Variants in TBCA observed in about 807,000 individuals in gnomAD.
The protein encoded by TBCA is tubulin-specific chaperone A.
TBCA carries 6 observed loss-of-function variants against 15.8 expected under a neutral mutation model. That is an observed-to-expected ratio of 0.38 (90% confidence interval 0.21 to 0.75). The LOEUF is 0.75. Ranked by LOEUF, TBCA falls within the 30% of genes least tolerant of loss-of-function variation. TBCA has a pLI of 0.46. For synonymous variants in TBCA, 32 were observed against 42.3 expected, an observed-to-expected ratio of 0.76 and a Z score of 0.94; for missense variants, 90 against 131.2, an observed-to-expected ratio of 0.69 and a Z score of 1.53.
chr5:77,732,529 C>A (rs6882852), intron 1 of TBCA, among the ~76,000 whole-genome samples: 5 of 122,444 alleles, frequency 4.1e-5, no homozygotes, highest in African/African-American at 1.3e-4. Flanking sequence ...CCAGTCTGGG[C>A]GACAGAGTGA....
chr5:77,763,132 T>C (rs1747683773), intron 1 of TBCA, among the ~76,000 whole-genome samples: 1 of 152,028 alleles, frequency 6.6e-6, no homozygotes, highest in Non-Finnish European at 1.5e-5. Flanking sequence ...TAGTCCCAGC[T>C]ACGCGGGAGG....
chr5:77,760,172 T>A (rs987370793), intron 1 of TBCA, among the ~76,000 whole-genome samples: 4 of 152,116 alleles, frequency 2.6e-5, no homozygotes, highest in Non-Finnish European at 2.9e-5. Flanking sequence ...AGAGGATCAG[T>A]CCTCAATAGG....
rs1209118836 is a variant in TBCA, at chr5:77,745,662, A to G, written c.53+30543T>C. On this transcript the variant is annotated intron_variant, in intron 1 of 3. Transcript: ENST00000380377. ...AATTTTGGCAAAAACTGAATAACAA[A>G]GTTCTGGTGAACAGTGGTCAATATT... Among the ~76,000 whole-genome samples, 5 of 152,240 alleles carry G rather than the reference A, an allele frequency of 3.3e-5. No individual in the cohort carries two copies. In the East Asian group the frequency reaches 7.7e-4, roughly 23 times the overall value.
At chr5:77,767,218 G>T (rs1235408005) in intron 1 of TBCA, among the ~76,000 whole-genome samples, 4 of 152,090 alleles carry the variant, frequency 2.6e-5, no homozygotes, top group Admixed American at 6.6e-5. Flanking sequence ...AGAAGCTGAG[G>T]AACATTTAAT....
At chr5:77,714,852 C>T (rs1257411171) in intron 1 of TBCA, among the ~76,000 whole-genome samples, 1 of 152,178 alleles carries the variant, frequency 6.6e-6, no homozygotes, top group African/African-American at 2.4e-5. Context: ...AGACGTGAGC[C>T]ACTGCACCCG....
intron 1 of TBCA, among the ~76,000 whole-genome samples, chr5:77,772,100 A>T (rs1007961778): frequency 3.3e-5 from 5 of 152,098 alleles, no homozygotes; most frequent in Admixed American, 2.0e-4. Context: ...AAAAAAAGAA[A>T]AGAATAGAAT....
chr5:77,718,997 T>G (rs142107787), intron 1 of TBCA, among the ~76,000 whole-genome samples: 3 of 152,332 alleles, frequency 2.0e-5, no homozygotes, highest in African/African-American at 4.8e-5. Flanking sequence ...TCACAATAGG[T>G]TGAAATTTTG....
chr5:77,709,162 C>T (rs998411451), intron 1 of TBCA, among the ~76,000 whole-genome samples: 2 of 151,904 alleles, frequency 1.3e-5, no homozygotes, highest in Admixed American at 6.6e-5. Flanking sequence ...ATTTATTGTG[C>T]GTTTAATTTT....
At chr5:77,757,012 T>A (rs1280349321) in intron 1 of TBCA, among the ~76,000 whole-genome samples, 3 of 152,206 alleles carry the variant, frequency 2.0e-5, no homozygotes, top group Admixed American at 2.0e-4. Flanking sequence ...AATTTTTTTT[T>A]AAGACAGGAA....
chr5:77,776,283 G>A lies in TBCA; in HGVS notation c.-26C>T, dbSNP rs746678720. ...GGTCCCTCGAGCGCCGCGAGAAGGA[G>A]GGGCGGAGAGCCGGGGTAACCGTGG... On this transcript the variant is annotated 5_prime_UTR_variant, in exon 1 of 4. Transcript: ENST00000380377. 4.5e-6 allele frequency: 7 copies of A among 1,568,856 alleles called. No homozygotes were observed. In the South Asian group the frequency reaches 4.7e-5, roughly 11 times the overall value.
At chr5:77,755,730 T>G (rs1392606153) in intron 1 of TBCA, among the ~76,000 whole-genome samples, 1 of 150,678 alleles carries the variant, frequency 6.6e-6, no homozygotes, top group Non-Finnish European at 1.5e-5. Context: ...AGGGGCCGGG[T>G]GCAGGGGCTC....
At chr5:77,732,541 A>C in intron 1 of TBCA, among the ~76,000 whole-genome samples, 2 of 107,090 alleles carry the variant, frequency 1.9e-5, no homozygotes, top group Admixed American at 2.2e-4. Flanking sequence ...ACAGAGTGAG[A>C]CTCTGTCTCA....
chr5:77,730,446 C>A (rs1235428147), intron 1 of TBCA, among the ~76,000 whole-genome samples: 1 of 78,390 alleles, frequency 1.3e-5, no homozygotes, highest in East Asian at 2.9e-4. Context: ...TGACTTTGAA[C>A]TTCTAGCCTC....
intron 1 of TBCA, among the ~76,000 whole-genome samples, chr5:77,766,902 T>C (rs1425074118): frequency 6.6e-6 from 1 of 152,200 alleles, no homozygotes; most frequent in African/African-American, 2.4e-5. Flanking sequence ...TTGACAAATA[T>C]CTATTAAGTG....
intron 1 of TBCA, among the ~76,000 whole-genome samples, chr5:77,737,352 T>C (rs1199242113): frequency 6.6e-6 from 1 of 152,228 alleles, no homozygotes; most frequent in African/African-American, 2.4e-5. Flanking sequence ...CCAGCTAACT[T>C]TGGCAAACAG....
At chr5:77,708,132 AAAG>A (rs1171769801) in intron 2 of TBCA, 107 bp downstream of exon 2, 1 of 697,454 alleles carries the variant, frequency 1.4e-6, no homozygotes, top group African/African-American at 1.8e-5. Flanking sequence ...TTTTAATAGT[AAAG>A]AAGTAAATAA....
At chr5:77,770,303 T>C (rs1284468413) in intron 1 of TBCA, among the ~76,000 whole-genome samples, 1 of 152,240 alleles carries the variant, frequency 6.6e-6, no homozygotes, top group Admixed American at 6.5e-5. Flanking sequence ...GAACAAAAGC[T>C]ACTCTGTCAA....
intron 3 of TBCA, chr5:77,691,913 T>C (rs894605739): frequency 1.0e-6 from 1 of 989,400 alleles, no homozygotes; most frequent in Non-Finnish European, 1.2e-6. Flanking sequence ...CTATTCACAA[T>C]GACAAAGAAG....
At chr5:77,751,660 G>A (rs909065964) in intron 1 of TBCA, among the ~76,000 whole-genome samples, 14 of 152,110 alleles carry the variant, frequency 9.2e-5, no homozygotes, top group African/African-American at 3.1e-4. Flanking sequence ...CACTGTAACC[G>A]CCCAAGGGGT....
Sources: gnomAD v4.1 joint callset for allele counts (sites outside exome capture counted in the v4.1 genomes callset) on GRCh38, gnomAD v4.1.1 for gene constraint, MANE v1.5 for transcripts, NCBI Gene and HGNC (gene_info 2026-07-23, HGNC 2026-07-21) for gene names.